Variants in CEP250 observed in about 807,000 individuals in gnomAD.
CEP250 encodes the protein centrosomal protein 250.
CEP250 carries 242 observed loss-of-function variants against 315.7 expected under a neutral mutation model. The observed-to-expected ratio is 0.77, with a 90% CI of 0.69 to 0.85. The LOEUF (loss-of-function observed/expected upper bound fraction) is 0.85, where lower values mean the gene tolerates loss of function less well. Ranked by LOEUF, CEP250 falls within the 40% of genes least tolerant of loss-of-function variation. The probability of loss-of-function intolerance (pLI) is 0.00; values close to 1 mark genes in which losing one functional copy is unlikely to be tolerated. For missense variants in CEP250, 2,515 were observed against 2,886.4 expected (o/e 0.87, Z 2.95); for synonymous variants, 1,088 against 1,175.0 (o/e 0.93, Z 1.51).
Position 35,504,004 on chromosome 20 carries a change from G to A in CEP250, c.5635G>A (p.Gly1879Arg). The change falls in exon 30 of 35, where the codon GGA becomes AGA. Residue 1879 changes from glycine (G) to arginine (R), a missense_variant. Transcript: ENST00000397527. ...RRLEEELAVE[G>R]RRVQALEEVL... ...GCTGGAGGAAGAGCTGGCAGTGGAG[G>A]GACGGCGGGTCCAGGCCCTGGAGGA... 1 of 1,609,232 alleles carries A rather than the reference G, an allele frequency of 6.2e-7. No homozygotes were observed. Among genetic ancestry groups the A allele is most frequent in the African/African-American group, 1.3e-5 (1 of 74,914 alleles).
intron 22 of CEP250, among the ~76,000 whole-genome samples, chr20:35,491,715 C>T (rs2063701092): frequency 6.6e-6 from 1 of 151,974 alleles, no homozygotes; most frequent in South Asian, 2.1e-4. Context: ...CTAGCCTGGC[C>T]AACATGGTGA....
At chr20:35,474,654 G>A in intron 14 of CEP250, 1 of 392,902 alleles carries the variant, frequency 2.5e-6, no homozygotes, top group East Asian at 7.2e-5. Flanking sequence ...AGAATCAATG[G>A]CCCCAGCTAA....
At chr20:35,466,236 G>A in intron 7 of CEP250, 32 bp downstream of exon 7, 2 of 1,555,180 alleles carry the variant, frequency 1.3e-6, no homozygotes, top group Non-Finnish European at 8.7e-7. Context: ...ACTGTGAGAG[G>A]AAGCCTGTGT....
chr20:35,462,649 T>G, intron 4 of CEP250, 96 bp downstream of exon 4: 1 of 1,062,632 alleles, frequency 9.4e-7, no homozygotes, highest in Non-Finnish European at 1.3e-6. Context: ...AGTCTTGTGG[T>G]GGGAGTGGCC....
intron 28 of CEP250, 67 bp from the exon 29 acceptor site, chr20:35,501,778 A>G (rs2064010910): frequency 6.0e-6 from 9 of 1,502,282 alleles, no homozygotes; most frequent in Non-Finnish European, 7.1e-6. Flanking sequence ...CTGCCTCTAT[A>G]TCCCTCTATA....
Position 35,503,488 on chromosome 20 carries a change from C to T in CEP250, c.5119C>T (p.Gln1707Ter), listed in dbSNP as rs774513754. 1 of 1,613,926 alleles carries T rather than the reference C, an allele frequency of 6.2e-7. No individual in the cohort carries two copies. Among genetic ancestry groups the T allele is most frequent in the African/African-American group, 1.3e-5 (1 of 74,878 alleles). The change falls in exon 30 of 35, where the codon CAG becomes TAG. Residue 1707 changes from glutamine to a stop codon, truncating the protein, a stop_gained. Coordinates refer to ENST00000397527, the MANE Select transcript of CEP250 (RefSeq NM_007186.6). LOFTEE classifies it high-confidence loss of function. The surrounding 1 kb of genome is among the most constrained non-coding windows in gnomAD (Gnocchi z 4.2). ...GCTGACCACTCAGAGGCAGCTGATG[C>T]AGGAACGGGCAGAGGAAGGGAAGGG... ...RELTTQRQLMQERAEEGKGPS... is the reference protein window; with the variant it reads ...RELTTQRQLM
chr20:35,477,608 G>C (rs1025902017), intron 16 of CEP250, among the ~76,000 whole-genome samples: 9 of 152,166 alleles, frequency 5.9e-5, no homozygotes, highest in Non-Finnish European at 1.2e-4. Flanking sequence ...CTGTTTCCTT[G>C]AGTGTTCTCT....
At chr20:35,467,660 A>AG (rs2062922130) in intron 9 of CEP250, 105 bp downstream of exon 9, 5 of 1,314,668 alleles carry the variant, frequency 3.8e-6, no homozygotes, top group Middle Eastern at 2.8e-4. Flanking sequence ...CCTACCATGG[A>AG]GGGGGAGAAG....
intron 17 of CEP250, among the ~76,000 whole-genome samples, chr20:35,478,804 G>C (rs2063250200): frequency 6.6e-6 from 1 of 152,078 alleles, no homozygotes; most frequent in Admixed American, 6.5e-5. Flanking sequence ...CACATAACAG[G>C]GGCCAAGTAA....
chr20:35,475,481 C>T, intron 14 of CEP250, 21 bp from the exon 15 acceptor site: 1 of 1,613,184 alleles, frequency 6.2e-7, no homozygotes, highest in South Asian at 1.1e-5. Flanking sequence ...TTCCTCTAGA[C>T]CCCTCTCTTT....
chr20:35,479,029 T>A (rs1343731888), intron 17 of CEP250, among the ~76,000 whole-genome samples: 1 of 152,194 alleles, frequency 6.6e-6, no homozygotes, highest in African/African-American at 2.4e-5. Context: ...AGGGTCTTGC[T>A]CACAGGGGAG....
Position 35,498,702 on chromosome 20 carries a change from A to G in CEP250, c.3763A>G (p.Thr1255Ala). ...CAAGCTTCATCAAGACCTGTGGAAG[A>G]CTCAACAGACCCGGGTATGTTTCTC... ...LHKLHQDLWK[T>A]QQTRDVLRDQ... The change falls in exon 27 of 35, where the codon ACT (threonine) becomes GCT (alanine). Residue 1255 changes from threonine (T) to alanine (A), a missense_variant. By Grantham distance (58) the Thr-to-Ala change is moderately conservative (BLOSUM62 0). Transcript: ENST00000397527. 6.3e-7 allele frequency: 1 copy of G among 1,586,768 alleles called. No individual in the cohort carries two copies. The highest frequency in any genetic ancestry group is 8.5e-7 in the Non-Finnish European group (1 of 1,171,724).
intron 25 of CEP250, among the ~76,000 whole-genome samples, chr20:35,496,974 C>T (rs1312777252): frequency 6.6e-6 from 1 of 152,160 alleles, no homozygotes; most frequent in African/African-American, 2.4e-5. Context: ...CGGGTGTAGC[C>T]CATGCAGGCC....
At chr20:35,468,336 A>C (rs1017766915) in intron 9 of CEP250, among the ~76,000 whole-genome samples, 1 of 152,152 alleles carries the variant, frequency 6.6e-6, no homozygotes, top group African/African-American at 2.4e-5. Flanking sequence ...CTCTTATTAC[A>C]GCATTGATCT....
chr20:35,509,710 C>T (rs940494716), intron 33 of CEP250, among the ~76,000 whole-genome samples: 9 of 152,244 alleles, frequency 5.9e-5, no homozygotes, highest in Non-Finnish European at 1.0e-4. Flanking sequence ...AAAGCAGATA[C>T]ATGGTGTACT....
intron 10 of CEP250, among the ~76,000 whole-genome samples, chr20:35,471,782 AAGTAAGTGATAGAAGCT>A (rs1409833283): frequency 1.3e-5 from 2 of 152,372 alleles, no homozygotes; most frequent in Admixed American, 1.3e-4. Flanking sequence ...AAAGAAAAAG[AAGTAAGTGATAGAAGCT>A]AGTAAGTGAT....
intron 30 of CEP250, among the ~76,000 whole-genome samples, chr20:35,507,299 A>G (rs1476236235): frequency 6.6e-6 from 1 of 152,194 alleles, no homozygotes; most frequent in Non-Finnish European, 1.5e-5. Context: ...TGGTGCATGT[A>G]GTCGTTTTAT....
Position 35,476,391 on chromosome 20 carries a change from G to A in CEP250, c.1717-58G>A, listed in dbSNP as rs376751691. ...AGCAGCAGTGTTGGGAATGTGAACTGTTTACTGTTCCAGGAAAATTGGAAA... is the reference window on the plus strand; with the variant it reads ...AGCAGCAGTGTTGGGAATGTGAACTATTTACTGTTCCAGGAAAATTGGAAA... On this transcript the variant is annotated intron_variant, in intron 15 of 34. Coordinates refer to ENST00000397527, the MANE Select transcript of CEP250 (RefSeq NM_007186.6). 6.5e-6 allele frequency: 10 copies of A among 1,541,992 alleles called. No individual in the cohort carries two copies. In the African/African-American group the frequency reaches 1.4e-4, roughly 21 times the overall value.
chr20:35,462,597 C>T, intron 4 of CEP250, 44 bp downstream of exon 4: 2 of 1,514,732 alleles, frequency 1.3e-6, no homozygotes, highest in Non-Finnish European at 1.8e-6. Context: ...GAACAACCCC[C>T]AGAGCTAGGT....
Sources: gnomAD v4.1 joint callset for allele counts (sites outside exome capture counted in the v4.1 genomes callset) on GRCh38, gnomAD v4.1.1 for gene constraint, Gnocchi (gnomAD v3.1) non-coding constraint, MANE v1.5 for transcripts, NCBI Gene and HGNC (gene_info 2026-07-23, HGNC 2026-07-21) for gene names.